Variants in MACROD2 observed in about 807,000 individuals in gnomAD.
MACROD2 encodes the protein mono-ADP ribosylhydrolase 2, also known as ADP-ribose glycohydrolase MACROD2.
In MACROD2, 36 loss-of-function variants were observed where a neutral mutation model predicts 70.4. The observed-to-expected ratio is 0.51, with a 90% CI of 0.39 to 0.68. The LOEUF (loss-of-function observed/expected upper bound fraction) is 0.68, where lower values mean the gene tolerates loss of function less well. Among genes scored for constraint, MACROD2 ranks in the 30% least tolerant of loss-of-function variants. The pLI is 0.00. For synonymous variants in MACROD2, 172 were observed against 178.8 expected (o/e 0.96, Z 0.30); for missense variants, 496 against 538.4 (o/e 0.92, Z 0.78).
chr20:14,757,217 A>C (rs890650445), intron 5 of MACROD2, among the ~76,000 whole-genome samples: 3 of 152,188 alleles, frequency 2.0e-5, no homozygotes, highest in African/African-American at 7.2e-5. Flanking sequence ...GAAGTAATAC[A>C]AAGTTTTAGG....
At chr20:16,032,983 G>A (rs1048783011) in intron 15 of MACROD2, among the ~76,000 whole-genome samples, 1 of 152,004 alleles carries the variant, frequency 6.6e-6, no homozygotes, top group East Asian at 1.9e-4. Flanking sequence ...CTTATTTTGC[G>A]TGACTGTGAC....
At chr20:14,509,012 A>G (rs398879) in intron 4 of MACROD2, among the ~76,000 whole-genome samples, 21,648 of 152,182 alleles carry the variant, frequency 0.14, 2,075 homozygotes, top group South Asian at 0.36. Flanking sequence ...AATCATATGC[A>G]ACCATTAAAA....
intron 3 of MACROD2, among the ~76,000 whole-genome samples, chr20:14,307,830 A>G (rs189528862): frequency 2.6e-5 from 4 of 152,174 alleles, no homozygotes; most frequent in East Asian, 1.9e-4. Context: ...CTTTTCTAGC[A>G]TTTGAATTAT....
intron 6 of MACROD2, among the ~76,000 whole-genome samples, chr20:15,342,376 G>A (rs774578402): frequency 3.2e-4 from 48 of 152,076 alleles, no homozygotes; most frequent in Non-Finnish European, 3.5e-4. Context: ...CTGGAGTTAC[G>A]ACTTGGCTTG....
chr20:14,443,454 G>A (rs1364432808), intron 3 of MACROD2, among the ~76,000 whole-genome samples: 4 of 151,448 alleles, frequency 2.6e-5, no homozygotes, highest in East Asian at 2.0e-4. Context: ...ATGCCACTAC[G>A]CCTGTCTGAC....
intron 5 of MACROD2, among the ~76,000 whole-genome samples, chr20:14,868,956 C>T (rs372059): frequency 0.25 from 38,007 of 152,038 alleles, 5,500 homozygotes; most frequent in Non-Finnish European, 0.33. Flanking sequence ...CTATGTAAGC[C>T]GGAGGGCACA....
intron 8 of MACROD2, among the ~76,000 whole-genome samples, chr20:15,829,973 C>A (rs1047690035): frequency 1.3e-5 from 2 of 152,132 alleles, no homozygotes; most frequent in South Asian, 2.1e-4. Context: ...ATGCACACAG[C>A]TGCAAGGCAA....
chr20:13,998,405 C>G (rs1427709152), intron 1 of MACROD2, among the ~76,000 whole-genome samples: 8 of 151,982 alleles, frequency 5.3e-5, no homozygotes, highest in Non-Finnish European at 4.4e-5. Flanking sequence ...ACAACAGAGG[C>G]CAGGTTGCAT....
chr20:15,984,154 T>C (rs1476333036), intron 13 of MACROD2, among the ~76,000 whole-genome samples: 1 of 152,114 alleles, frequency 6.6e-6, no homozygotes, highest in Non-Finnish European at 1.5e-5. Flanking sequence ...AAGAGCAGGT[T>C]GATGCTTTAA....
At chr20:14,536,843 A>G (rs1697552024) in intron 4 of MACROD2, among the ~76,000 whole-genome samples, 1 of 152,244 alleles carries the variant, frequency 6.6e-6, no homozygotes, top group African/African-American at 2.4e-5. Context: ...TAAGATGTAC[A>G]TCTGACTAGG....
chr20:15,450,909 G>A (rs1327745559), intron 7 of MACROD2, among the ~76,000 whole-genome samples: 3 of 152,086 alleles, frequency 2.0e-5, no homozygotes, highest in Admixed American at 2.0e-4. Flanking sequence ...AGTACAAAAT[G>A]GAATTGCGTC....
At position 16,051,378 on chromosome 20, in the gene MACROD2, C is replaced by G. The variant is rs2147634966; in HGVS notation, c.*1502C>G. 1 of 152,288 alleles carries G rather than the reference C, an allele frequency of 6.6e-6. No homozygotes were observed. Among genetic ancestry groups the G allele is most frequent in the African/African-American group, 2.4e-5 (1 of 41,576 alleles). The allele number at this position is 152,288 out of a possible 1,614,324, so 9.4% of individuals were successfully genotyped here. On this transcript the variant is annotated 3_prime_UTR_variant, in exon 18 of 18. Transcript: ENST00000684519. ...TTGATGGAAAATTCATCTTATCTTC[C>G]TATGACTTTGGTTTTAGCCTTTCTG... is the stretch of plus-strand genomic sequence containing the variant.
intron 3 of MACROD2, among the ~76,000 whole-genome samples, chr20:14,277,705 A>AG (rs2082271583): frequency 6.6e-6 from 1 of 152,102 alleles, no homozygotes; most frequent in Non-Finnish European, 1.5e-5. Flanking sequence ...CTTAAAAAAA[A>AG]AGAGAGAGTG....
intron 8 of MACROD2, among the ~76,000 whole-genome samples, chr20:15,519,094 CCTTCCTTCCTTCCTTCCTTCCTTCCTTT>C (rs1269739520): frequency 2.0e-5 from 3 of 147,216 alleles, no homozygotes; most frequent in South Asian, 2.3e-4. Context: ...TTCCTTCCTT[CCTTCCTTCCTTCCTTCCTTCCTTCCTTT>C]CTTTCTTTCT....
At chr20:14,210,687 G>A (rs1885948) in intron 3 of MACROD2, among the ~76,000 whole-genome samples, 30,299 of 152,060 alleles carry the variant, frequency 0.2, 3,126 homozygotes, top group Admixed American at 0.24. Flanking sequence ...GGTTTATTTT[G>A]TTTTGTATCC....
intron 5 of MACROD2, among the ~76,000 whole-genome samples, chr20:14,962,036 G>T (rs969496325): frequency 6.6e-6 from 1 of 152,076 alleles, no homozygotes; most frequent in Non-Finnish European, 1.5e-5. Context: ...GGAGTGCAGT[G>T]GTACCATCTG....
chr20:15,267,200 C>T (rs539875570), intron 6 of MACROD2, among the ~76,000 whole-genome samples: 2 of 152,254 alleles, frequency 1.3e-5, no homozygotes, highest in South Asian at 4.1e-4. Flanking sequence ...CCAACTTGGC[C>T]AACCCCTAAT....
intron 8 of MACROD2, among the ~76,000 whole-genome samples, chr20:15,565,175 T>G (rs1303382497): frequency 6.6e-6 from 1 of 152,178 alleles, no homozygotes; most frequent in East Asian, 1.9e-4. Flanking sequence ...CTGTTGTGCT[T>G]CTGCTTTTCT....
chr20:15,110,933 T>C (rs1425038806), intron 5 of MACROD2, among the ~76,000 whole-genome samples: 2 of 152,224 alleles, frequency 1.3e-5, no homozygotes, highest in African/African-American at 4.8e-5. Flanking sequence ...TTACTTACTA[T>C]GTGCTGGACA....
Sources: allele counts gnomAD v4.1 joint callset (sites outside exome capture counted in the v4.1 genomes callset), GRCh38; gene constraint gnomAD v4.1.1; transcripts MANE v1.5; gene names NCBI Gene and HGNC (gene_info 2026-07-23, HGNC 2026-07-21).